Variants in PCDH9 observed in about 807,000 individuals in gnomAD.
The protein encoded by PCDH9 is protocadherin 9, also known as protocadherin-9.
A neutral mutation model predicts 70.6 loss-of-function variants in PCDH9; 24 were observed. That is an observed-to-expected ratio of 0.34 (90% confidence interval 0.25 to 0.48). The LOEUF (loss-of-function observed/expected upper bound fraction) is 0.48. Ranked by LOEUF, PCDH9 falls within the 20% of genes least tolerant of loss-of-function variation. The pLI is 0.99. For missense variants in PCDH9, 1,281 were observed against 1,503.6 expected, an observed-to-expected ratio of 0.85 and a Z score of 2.45; for synonymous variants, 562 against 558.5, an observed-to-expected ratio of 1.01 and a Z score of -0.09.
chr13:66,527,334 T>C (rs1030517161), intron 4 of PCDH9, among the ~76,000 whole-genome samples: 1 of 152,092 alleles, frequency 6.6e-6, no homozygotes, highest in Non-Finnish European at 1.5e-5. Context: ...AATTAAAAGA[T>C]AGAAGTATCT....
At chr13:66,390,106 ATATT>A (rs1212142088) in intron 4 of PCDH9, among the ~76,000 whole-genome samples, 4 of 152,326 alleles carry the variant, frequency 2.6e-5, no homozygotes, top group South Asian at 4.1e-4. Context: ...AAAATTGCTA[ATATT>A]TAATCACTGT....
intron 3 of PCDH9, among the ~76,000 whole-genome samples, chr13:66,817,177 G>A (rs2080623057): frequency 6.6e-6 from 1 of 152,028 alleles, no homozygotes; most frequent in Non-Finnish European, 1.5e-5. Flanking sequence ...TTTTATATAA[G>A]GGCCTTGAGA....
rs150659593 is a variant in PCDH9, at chr13:67,064,925, T to C, written c.3036+160480A>G. ...ATAGATAGATAGATAGATAGATAGA[T>C]AGATAGATAGATAGCAGAGAGGTAG... On this transcript the variant is annotated intron_variant, in intron 2 of 4. Transcript: ENST00000377865. Among the ~76,000 whole-genome samples, 1,155 of 151,554 alleles carry C rather than the reference T, an allele frequency of 7.6e-3. 16 individuals carry two copies. Among genetic ancestry groups the C allele is most frequent in the African/African-American group, 0.027 (1,110 of 41,444 alleles).
At chr13:66,666,242 G>A (rs2078095075) in intron 3 of PCDH9, among the ~76,000 whole-genome samples, 1 of 152,158 alleles carries the variant, frequency 6.6e-6, no homozygotes, top group Admixed American at 6.5e-5. Context: ...GAGTAGAGAG[G>A]TGATGCCAGC....
chr13:67,217,549 G>A (rs1352325577), intron 2 of PCDH9: 1 of 152,108 alleles, frequency 6.6e-6, no homozygotes, highest in East Asian at 1.9e-4. Flanking sequence ...ACATTGTCAT[G>A]AAGCTAAATA....
At chr13:66,326,443 G>T (rs1221375723) in intron 4 of PCDH9, among the ~76,000 whole-genome samples, 3 of 151,160 alleles carry the variant, frequency 2.0e-5, no homozygotes, top group Non-Finnish European at 4.4e-5. Context: ...AAACACACCA[G>T]AGTCTTGCTC....
chr13:66,857,787 T>C (rs2081418691), intron 3 of PCDH9, among the ~76,000 whole-genome samples: 1 of 152,134 alleles, frequency 6.6e-6, no homozygotes, highest in African/African-American at 2.4e-5. Flanking sequence ...TAGATCATTT[T>C]GTCCCATAAT....
At chr13:67,065,326 C>T (rs947708918) in intron 2 of PCDH9, among the ~76,000 whole-genome samples, 1 of 152,082 alleles carries the variant, frequency 6.6e-6, no homozygotes, top group Non-Finnish European at 1.5e-5. Context: ...TTTTATTAGT[C>T]TAATTTTAAT....
intron 3 of PCDH9, among the ~76,000 whole-genome samples, chr13:66,810,854 A>G (rs1325569758): frequency 6.6e-6 from 1 of 151,868 alleles, no homozygotes; most frequent in Non-Finnish European, 1.5e-5. Context: ...TATATAATAT[A>G]TATAGTGTTT....
intron 2 of PCDH9, among the ~76,000 whole-genome samples, chr13:67,059,861 GTTGT>G (rs1233031542): frequency 1.4e-5 from 2 of 140,014 alleles, no homozygotes; most frequent in African/African-American, 5.3e-5. Flanking sequence ...GTGTATTTCT[GTTGT>G]TTGTTTTTTG....
chr13:66,623,081 A>C (rs548377015), intron 4 of PCDH9, among the ~76,000 whole-genome samples: 2 of 152,180 alleles, frequency 1.3e-5, no homozygotes, highest in African/African-American at 2.4e-5. Context: ...ACACATCCGA[A>C]CATCAGAAAG....
chr13:66,688,192 T>C (rs894993730), intron 3 of PCDH9, among the ~76,000 whole-genome samples: 5 of 152,310 alleles, frequency 3.3e-5, no homozygotes, highest in Admixed American at 6.5e-5. Flanking sequence ...CTTTATACTA[T>C]TGACTCAATG....
chr13:66,920,495 A>C (rs2082621067), intron 2 of PCDH9, among the ~76,000 whole-genome samples: 1 of 151,016 alleles, frequency 6.6e-6, no homozygotes. Flanking sequence ...TTACCTCAGC[A>C]CATAATTTCT....
chr13:67,221,623 C>T (rs1330464182), intron 2 of PCDH9: 1 of 152,056 alleles, frequency 6.6e-6, no homozygotes, highest in African/African-American at 2.4e-5. Context: ...TGTTTTACTA[C>T]TTGAAGAAGT....
intron 4 of PCDH9, among the ~76,000 whole-genome samples, chr13:66,415,414 T>C (rs1484271698): frequency 6.6e-6 from 1 of 152,156 alleles, no homozygotes; most frequent in Non-Finnish European, 1.5e-5. Context: ...GCCACACTTG[T>C]GTCTATATCA....
intron 2 of PCDH9, among the ~76,000 whole-genome samples, chr13:66,945,782 T>C (rs951256421): frequency 3.9e-5 from 6 of 152,188 alleles, no homozygotes; most frequent in Admixed American, 3.3e-4. Context: ...AGCTTTATAT[T>C]ACTGTTGACA....
At chr13:66,320,637 T>C (rs1335580616) in intron 4 of PCDH9, among the ~76,000 whole-genome samples, 1 of 152,046 alleles carries the variant, frequency 6.6e-6, no homozygotes, top group Admixed American at 6.6e-5. Flanking sequence ...AACAGCATAC[T>C]TCATGGCCAT....
intron 4 of PCDH9, among the ~76,000 whole-genome samples, chr13:66,421,773 C>A (rs1282462303): frequency 6.6e-6 from 1 of 152,194 alleles, no homozygotes; most frequent in East Asian, 1.9e-4. Flanking sequence ...AAATAACCAG[C>A]TAGCATCATA....
intron 4 of PCDH9, among the ~76,000 whole-genome samples, chr13:66,591,999 G>A (rs1055598125): frequency 2.6e-5 from 4 of 151,784 alleles, no homozygotes; most frequent in African/African-American, 9.6e-5. Flanking sequence ...CTGCTTATGT[G>A]AGGTCAACTA....
Sources: allele counts gnomAD v4.1 joint callset (sites outside exome capture counted in the v4.1 genomes callset), GRCh38; gene constraint gnomAD v4.1.1; transcripts MANE v1.5; gene names NCBI Gene and HGNC (gene_info 2026-07-23, HGNC 2026-07-21).